COL4A3: variants seen among roughly 807,000 people sequenced by gnomAD.
COL4A3 encodes the protein collagen alpha-3(IV) chain.
In COL4A3, 135 loss-of-function variants were observed where a neutral mutation model predicts 217.4. The ratio of observed to expected loss-of-function variants is 0.62; its 90% CI spans 0.54 to 0.72. The LOEUF is 0.72. Among genes scored for constraint, COL4A3 ranks in the 30% least tolerant of loss-of-function variants. The pLI, the probability that COL4A3 is intolerant of heterozygous loss-of-function variation, is 0.00. For missense variants in COL4A3, 1,868 were observed against 2,119.9 expected, an observed-to-expected ratio of 0.88 and a Z score of 2.33; for synonymous variants, 690 against 736.3, an observed-to-expected ratio of 0.94 and a Z score of 1.02.
chr2:227,278,961 T>A (rs961594609), intron 28 of COL4A3, among the ~76,000 whole-genome samples: 10 of 152,172 alleles, frequency 6.6e-5, no homozygotes, highest in African/African-American at 2.4e-4. Context: ...TCACCTACTA[T>A]AAATGCATAA....
At chr2:227,270,704 T>A in intron 24 of COL4A3, 66 bp from the exon 25 acceptor site, 1 of 1,540,052 alleles carries the variant, frequency 6.5e-7, no homozygotes, top group South Asian at 1.1e-5. Context: ...TCCACACTGT[T>A]TTTAAGATTG....
intron 38 of COL4A3, chr2:227,293,977 T>G: frequency 3.0e-6 from 1 of 332,848 alleles, no homozygotes; most frequent in Non-Finnish European, 5.9e-6. Context: ...TCCGAAGTAC[T>G]GAAGGTTAGG....
intron 3 of COL4A3, 120 bp downstream of exon 3, chr2:227,240,352 G>A (rs1451734844): frequency 8.6e-6 from 8 of 934,694 alleles, no homozygotes; most frequent in African/African-American, 1.6e-5. Flanking sequence ...GGTGCATGGT[G>A]AACTCCTGGT....
intron 1 of COL4A3, among the ~76,000 whole-genome samples, chr2:227,229,322 AC>A (rs1320758214): frequency 6.6e-6 from 1 of 152,224 alleles, no homozygotes; most frequent in Non-Finnish European, 1.5e-5. Flanking sequence ...GTTAAATAAA[AC>A]ATTGTAATGT....
rs1257536333 is a variant in COL4A3, at chr2:227,253,035, G to C, written c.646-261G>C. Among the ~76,000 whole-genome samples, 2 of 152,138 alleles carry C rather than the reference G, an allele frequency of 1.3e-5. No individual in the cohort carries two copies. The highest frequency in any genetic ancestry group is 2.4e-5 in the African/African-American group (1 of 41,432). ...AGCCAGAAAAATATGCTCTGAGCTG[G>C]GCTCCTTTCCCTCCCCCACACCACT... On this transcript the variant is annotated intron_variant, in intron 11 of 51. Transcript: ENST00000396578. The surrounding 1 kb of genome is among the most constrained non-coding windows in gnomAD (Gnocchi z 4.4).
At chr2:227,166,273 A>C (rs7592763) in intron 1 of COL4A3, among the ~76,000 whole-genome samples, 71,927 of 152,040 alleles carry the variant, frequency 0.47, 18,871 homozygotes, top group African/African-American at 0.72. Flanking sequence ...GAATTCCCAG[A>C]CCAGGTATTT....
chr2:227,231,136 A>G (rs183148073), intron 1 of COL4A3, among the ~76,000 whole-genome samples: 1 of 152,256 alleles, frequency 6.6e-6, no homozygotes, highest in Non-Finnish European at 1.5e-5. Context: ...ATGCAAGTAG[A>G]TGATATGGCA....
rs1054971831 is a variant in COL4A3 at position 227,250,483 on chromosome 2, G to C, written c.547-657G>C. Among the ~76,000 whole-genome samples, 1 of 151,942 alleles carries C rather than the reference G, an allele frequency of 6.6e-6. No homozygotes were observed. Among genetic ancestry groups the C allele is most frequent in the African/African-American group, 2.4e-5 (1 of 41,362 alleles). On this transcript the variant is annotated intron_variant, in intron 9 of 51. Coordinates refer to ENST00000396578, the MANE Select transcript of COL4A3 (RefSeq NM_000091.5). This position sits in a 1 kb window ranked among gnomAD's most constrained non-coding sequence, Gnocchi z 4.1. ...GAAGGTCTCTTGAGCCTAGTTATAG[G>C]CCAGCCTGGGCAACACAGCAAGACC...
chr2:227,178,205 T>A (rs7586937), intron 1 of COL4A3, among the ~76,000 whole-genome samples: 26,315 of 151,922 alleles, frequency 0.17, 2,446 homozygotes, highest in Admixed American at 0.26. Flanking sequence ...TAATACAATG[T>A]GACCTCTCTC....
intron 37 of COL4A3, among the ~76,000 whole-genome samples, chr2:227,292,665 T>C (rs2106223125): frequency 1.3e-5 from 2 of 152,372 alleles, no homozygotes; most frequent in East Asian, 1.9e-4. Flanking sequence ...AAACATGTGA[T>C]TGACATATGT....
intron 26 of COL4A3, among the ~76,000 whole-genome samples, chr2:227,275,792 G>C (rs578259553): frequency 6.6e-6 from 1 of 152,208 alleles, no homozygotes; most frequent in East Asian, 1.9e-4. Flanking sequence ...TTACTGTTTT[G>C]TTCAATAGCC....
intron 19 of COL4A3, chr2:227,260,129 T>C: frequency 1.6e-6 from 1 of 642,934 alleles, no homozygotes; most frequent in South Asian, 1.4e-5. Flanking sequence ...ATGGAAACAT[T>C]TGCTGGAGGG....
At position 227,304,034 on chromosome 2, in the gene COL4A3, C is replaced by T; in HGVS notation, c.4043C>T (p.Pro1348Leu). Residue 1348 changes from proline (P) to leucine (L), a missense_variant, in exon 46 of 52, where the codon CCT (proline) becomes CTT (leucine). Pro to Leu is a moderately conservative substitution (Grantham distance 98). Coordinates refer to ENST00000396578, the MANE Select transcript of COL4A3 (RefSeq NM_000091.5). ...PKGPPGVRGD[P>L]GTLKIISLPG... is the part of the protein sequence containing the mutation. ...ATGTCAACAGGTGTACGTGGAGACCCTGGCACACTTAAGATTATCTCCCTT... is the reference window on the plus strand; with the variant it reads ...ATGTCAACAGGTGTACGTGGAGACCTTGGCACACTTAAGATTATCTCCCTT... The T allele has an allele frequency of 6.2e-7, 1 of 1,614,144 alleles. No individual in the cohort carries two copies. The highest frequency in any genetic ancestry group is 8.5e-7 in the Non-Finnish European group (1 of 1,180,010).
intron 1 of COL4A3, chr2:227,228,611 T>A (rs1229939294): frequency 1.3e-5 from 2 of 152,108 alleles, no homozygotes; most frequent in South Asian, 4.2e-4. Context: ...TTCACCAGCA[T>A]GCACAGGAAC....
At chr2:227,286,636 C>G (rs1446275886) in intron 34 of COL4A3, among the ~76,000 whole-genome samples, 2 of 152,158 alleles carry the variant, frequency 1.3e-5, no homozygotes, top group Non-Finnish European at 2.9e-5. Flanking sequence ...TCACTCTTGG[C>G]CTCCTCACTG....
chr2:227,308,902 C>T lies in COL4A3; in HGVS notation c.4466C>T (p.Thr1489Ile), dbSNP rs200818438. Residue 1489 changes from threonine (T) to isoleucine (I), a missense_variant, in exon 49 of 52, where the codon ACT becomes ATT. Thr to Ile is a moderately conservative substitution (Grantham distance 89). This residue lies in a region of COL4A3 where 1,503 missense variants were observed against 1,786.1 expected (regional missense o/e 0.84). Coordinates refer to ENST00000396578, the MANE Select transcript of COL4A3 (RefSeq NM_000091.5). ...NQRAHGQDLG[T>I]LGSCLQRFTT... ...ACTCAGTCTGATGTTTCATTAGGAACTCTTGGCAGCTGCCTGCAGCGATTT... is the reference window on the plus strand; with the variant it reads ...ACTCAGTCTGATGTTTCATTAGGAATTCTTGGCAGCTGCCTGCAGCGATTT... The T allele has an allele frequency of 3.9e-5, 63 of 1,613,758 alleles. No individual in the cohort carries two copies. The highest frequency in any genetic ancestry group is 5.0e-5 in the Non-Finnish European group (59 of 1,180,004).
At chr2:227,271,939 T>A (rs2071266860) in intron 25 of COL4A3, among the ~76,000 whole-genome samples, 1 of 152,216 alleles carries the variant, frequency 6.6e-6, no homozygotes, top group Non-Finnish European at 1.5e-5. Flanking sequence ...TCAAAGAGGT[T>A]TGGAGAAACT....
At chr2:227,286,834 G>A (rs1457830100) in intron 34 of COL4A3, among the ~76,000 whole-genome samples, 1 of 152,210 alleles carries the variant, frequency 6.6e-6, no homozygotes, top group Non-Finnish European at 1.5e-5. Flanking sequence ...TGACATACAA[G>A]TTTATTCACC....
At chr2:227,215,553 G>A (rs1270052981) in intron 1 of COL4A3, among the ~76,000 whole-genome samples, 2 of 152,054 alleles carry the variant, frequency 1.3e-5, no homozygotes, top group African/African-American at 4.8e-5. Context: ...CTGCCTCCTG[G>A]GTTCAAGCAA....
Sources: gnomAD v4.1 joint callset for allele counts (sites outside exome capture counted in the v4.1 genomes callset) on GRCh38, gnomAD v4.1.1 for gene constraint, gnomAD v4.1.1 regional missense constraint, Gnocchi (gnomAD v3.1) non-coding constraint, MANE v1.5 for transcripts, NCBI Gene and HGNC (gene_info 2026-07-23, HGNC 2026-07-21) for gene names.